The following RNF123 variants were observed in gnomAD, a reference collection of about 807,000 sequenced individuals.
RNF123 encodes the protein ring finger protein 123.
In RNF123, 86 loss-of-function variants were observed where a neutral mutation model predicts 168.5. That is an observed-to-expected ratio of 0.51 (90% CI 0.43 to 0.61). The LOEUF (loss-of-function observed/expected upper bound fraction) is 0.61, where lower values mean the gene tolerates loss of function less well. RNF123 is among the 20% of genes least tolerant of loss of function. The pLI is 0.00. For missense variants in RNF123, 1,419 were observed against 1,729.7 expected (o/e 0.82, Z 3.19); for synonymous variants, 666 against 689.1 (o/e 0.97, Z 0.52).
intron 23 of RNF123, 147 bp downstream of exon 23, chr3:49,705,329 G>A: frequency 1.6e-6 from 2 of 1,219,100 alleles, no homozygotes; most frequent in Non-Finnish European, 2.3e-6. Flanking sequence ...ACACTCCGAG[G>A]GCAGGAGATC....
At position 49,707,036 on chromosome 3, in the gene RNF123, A is replaced by G. The variant is rs555306040; in HGVS notation, c.2496+138A>G. ...TGTCCCTTCCCACACTTCAGACTCC[A>G]TCACCCCATGCCATGTCCCCTGTAC... is the stretch of plus-strand genomic sequence containing the variant. On this transcript the variant is annotated intron_variant, in intron 26 of 38. Transcript: ENST00000327697. 7.9e-5 allele frequency: 54 copies of G among 681,006 alleles called. No homozygotes were observed. In the African/African-American group the frequency reaches 8.0e-4, roughly 10 times the overall value. 42.2% of individuals were successfully genotyped at this position (681,006 alleles called of 1,614,324 possible). A position where few individuals can be genotyped will look rare whatever the true frequency, so the allele number is the denominator to read the frequency against.
rs2080233632 is a variant in RNF123, at chr3:49,715,881, A to G, written c.3210A>G (p.Val1070=). ...RNFVDSRQLK[V]CATCFDLSVS... is the part of the protein sequence containing the mutation. ...TTGTGGACAGCCGGCAGCTCAAGGTATGTGCCACCTGCTTTGACCTCTCGG... is the reference window on the plus strand; with the variant it reads ...TTGTGGACAGCCGGCAGCTCAAGGTGTGTGCCACCTGCTTTGACCTCTCGG... Residue 1070 remains valine (V), a synonymous_variant, in exon 33 of 39, where the codon GTA becomes GTG. Transcript: ENST00000327697. 1.2e-6 allele frequency: 2 copies of G among 1,614,032 alleles called. No individual in the cohort carries two copies. The highest frequency in any genetic ancestry group is 1.7e-6 in the Non-Finnish European group (2 of 1,180,028).
At chr3:49,721,136 A>G (rs772340064) in intron 38 of RNF123, 31 bp downstream of exon 38, 14 of 1,613,844 alleles carry the variant, frequency 8.7e-6, no homozygotes, top group Middle Eastern at 1.6e-4. Context: ...GGTGGTGGGG[A>G]GAGCAGTAGG....
intron 35 of RNF123, chr3:49,719,016 C>A (rs1273517329): frequency 1.9e-6 from 3 of 1,613,756 alleles, no homozygotes; most frequent in Non-Finnish European, 2.5e-6. Flanking sequence ...GGAAGGCATG[C>A]TCGTCCAAGT....
chr3:49,716,205 A>C, intron 34 of RNF123, 28 bp downstream of exon 34: 1 of 1,610,318 alleles, frequency 6.2e-7, no homozygotes, highest in Non-Finnish European at 8.5e-7. Flanking sequence ...CTGCACCCCA[A>C]CACACTACAG....
chr3:49,698,591 T>A, intron 8 of RNF123, 65 bp downstream of exon 8: 2 of 1,583,666 alleles, frequency 1.3e-6, no homozygotes, highest in Middle Eastern at 1.7e-4. Context: ...TTGGAGCCAC[T>A]GGGCAGCCAT....
chr3:49,715,722 G>A lies in RNF123; in HGVS notation c.3150+8G>A, dbSNP rs1305105057. ...ATTGGCATGATCCAAGAGGTGGGCT[G>A]TGGTGGGGCCTCGTGGGTTAGGGTG... is the stretch of plus-strand genomic sequence containing the variant. On this transcript the variant is annotated splice_region_variant and intron_variant, in intron 32 of 38. Transcript: ENST00000327697. 6.2e-7 allele frequency: 1 copy of A among 1,614,256 alleles called. No homozygotes were observed. Among genetic ancestry groups the A allele is most frequent in the East Asian group, 2.2e-5 (1 of 44,882 alleles).
At chr3:49,705,917 G>T (rs1320260319) in intron 24 of RNF123, 65 bp from the exon 25 acceptor site, 1 of 1,551,174 alleles carries the variant, frequency 6.4e-7, no homozygotes, top group African/African-American at 1.4e-5. Flanking sequence ...GTCCAGACTG[G>T]GTCTGAAGAA....
In RNF123 at chr3:49,721,269, G is replaced by A. The variant is rs1439723196; in HGVS notation, c.3909G>A (p.Lys1303=). 6.2e-7 allele frequency: 1 copy of A among 1,614,076 alleles called. No individual in the cohort carries two copies. The highest frequency in any genetic ancestry group is 1.1e-5 in the South Asian group (1 of 91,088). ...TTIVSVEDWE[K]GANTSTTSSA... is the part of the protein sequence containing the mutation. ...TCGTGTCTGTAGAGGACTGGGAGAAGGGAGCCAATACGAGTACTACCTCCT... is the reference window on the plus strand; with the variant it reads ...TCGTGTCTGTAGAGGACTGGGAGAAAGGAGCCAATACGAGTACTACCTCCT... Residue 1303 remains lysine (K), a synonymous_variant, in exon 39 of 39, where the codon AAG becomes AAA. Transcript: ENST00000327697.
At chr3:49,706,525 A>C (rs2054523366) in intron 25 of RNF123, among the ~76,000 whole-genome samples, 1 of 152,206 alleles carries the variant, frequency 6.6e-6, no homozygotes, top group Non-Finnish European at 1.5e-5. Context: ...CGGTTCTGGC[A>C]TCAGGTCCCT....
Position 49,716,182 on chromosome 3 carries a change from G to A in RNF123, c.3415+5G>A, listed in dbSNP as rs747922935. The A allele has an allele frequency of 6.2e-7, 1 of 1,613,338 alleles. No homozygotes were observed. Among genetic ancestry groups the A allele is most frequent in the African/African-American group, 1.3e-5 (1 of 75,042 alleles). The stretch of plus-strand genomic sequence containing the variant: ...TGGTCACCCTACGGCTGCCTGGTGA[G>A]GACCTAGATGCCCTGCACCCCAACA... On this transcript the variant is annotated splice_donor_5th_base_variant and intron_variant, in intron 34 of 38. Transcript: ENST00000327697.
In RNF123 at chr3:49,712,705, T is replaced by C. The variant is rs1299625528; in HGVS notation, c.2674+49T>C. 4 of 1,593,522 alleles carry C rather than the reference T, an allele frequency of 2.5e-6. 1 individual carries two copies. The South Asian group carries it at 3.3e-5, about 13-fold the overall frequency. The stretch of plus-strand genomic sequence containing the variant: ...GCAGAAGCAGAAAAGGGGTCTCTAG[T>C]GTGAGCCCTAGGAGCCCTGGTCTGA... On this transcript the variant is annotated intron_variant, in intron 27 of 38. Transcript: ENST00000327697.
intron 9 of RNF123, 50 bp downstream of exon 9, chr3:49,698,872 A>C (rs746670371): frequency 6.2e-7 from 1 of 1,606,420 alleles, no homozygotes; most frequent in African/African-American, 1.3e-5. Flanking sequence ...GCCTCCCCAG[A>C]CTGCCCCCAG....
intron 13 of RNF123, 27 bp downstream of exon 13, chr3:49,700,379 G>A: frequency 6.2e-7 from 1 of 1,613,494 alleles, no homozygotes; most frequent in African/African-American, 1.3e-5. Flanking sequence ...CAGGCCTCAG[G>A]CCTGGCTGTC....
Position 49,716,385 on chromosome 3 carries a change from C to T in RNF123, c.3416-8C>T, listed in dbSNP as rs570665956. On this transcript the variant is annotated splice_region_variant and splice_polypyrimidine_tract_variant and intron_variant, in intron 34 of 38. Coordinates refer to ENST00000327697, the MANE Select transcript of RNF123 (RefSeq NM_022064.5). ...GGTGGCTCATCTCTTTCCTCCCCTTCCCCTCAGGCCTAGAGAGCGTGGACC... is the reference window on the plus strand; with the variant it reads ...GGTGGCTCATCTCTTTCCTCCCCTTTCCCTCAGGCCTAGAGAGCGTGGACC... The T allele has an allele frequency of 3.1e-6, 5 of 1,612,954 alleles. No homozygotes were observed. The African/African-American group carries it at 4.0e-5, about 13-fold the overall frequency.
rs754537795 is a variant in RNF123 at position 49,717,989 on chromosome 3, C to A, written c.3500+1512C>A. ...GGACCCTCGGAGCCTATGGAGCTGG[C>A]GGACTCAGAGCCAGCCTTCAGCTGC... is the stretch of plus-strand genomic sequence containing the variant. On this transcript the variant is annotated intron_variant, in intron 35 of 38. Coordinates refer to ENST00000327697, the MANE Select transcript of RNF123 (RefSeq NM_022064.5). 1 of 1,613,364 alleles carries A rather than the reference C, an allele frequency of 6.2e-7. No individual in the cohort carries two copies. The highest frequency in any genetic ancestry group is 8.5e-7 in the Non-Finnish European group (1 of 1,180,008).
intron 1 of RNF123, among the ~76,000 whole-genome samples, 192 bp from the exon 2 acceptor site, chr3:49,690,938 G>A (rs1482893371): frequency 6.6e-6 from 1 of 152,218 alleles, no homozygotes; most frequent in Non-Finnish European, 1.5e-5. Flanking sequence ...AGTGGTCCCT[G>A]TTACATGGGC....
rs1440906127 is a variant in RNF123 at position 49,700,254 on chromosome 3, C to T, written c.1012C>T (p.Leu338Phe). 1 of 1,614,190 alleles carries T rather than the reference C, an allele frequency of 6.2e-7. No individual in the cohort carries two copies. Among genetic ancestry groups the T allele is most frequent in the Non-Finnish European group, 8.5e-7 (1 of 1,180,038 alleles). ...LRKVYLVEAV[L>F]MSFLLGIVEK... Reference sequence around the variant, plus strand: ...CAAGGTGTATCTGGTGGAGGCTGTGCTCATGAGCTTCTTGCTGGGCATCGT... The same window carrying T: ...CAAGGTGTATCTGGTGGAGGCTGTGTTCATGAGCTTCTTGCTGGGCATCGT... The change falls in exon 13 of 39, where the codon CTC becomes TTC. Residue 338 changes from leucine (L) to phenylalanine (F), a missense_variant. This residue lies in a region of RNF123 where 318 missense variants were observed against 446.6 expected (regional missense o/e 0.71). Coordinates refer to ENST00000327697, the MANE Select transcript of RNF123 (RefSeq NM_022064.5).
chr3:49,702,499 C>T lies in RNF123; in HGVS notation c.1629+94C>T, dbSNP rs182605664. 2.3e-4 allele frequency: 369 copies of T among 1,600,928 alleles called. No individual in the cohort carries two copies. The African/African-American group carries it at 4.2e-3, about 18-fold the overall frequency. On this transcript the variant is annotated intron_variant, in intron 19 of 38. Transcript: ENST00000327697. ...TGGCACTTCTCGGACTGCCTCATCCCTGCCTAGCCCCAAGCTTTTCTCTGC... is the reference window on the plus strand; with the variant it reads ...TGGCACTTCTCGGACTGCCTCATCCTTGCCTAGCCCCAAGCTTTTCTCTGC...
Sources: allele counts gnomAD v4.1 joint callset (sites outside exome capture counted in the v4.1 genomes callset), GRCh38; gene constraint gnomAD v4.1.1; regional missense constraint gnomAD v4.1.1; transcripts MANE v1.5; gene names NCBI Gene and HGNC (gene_info 2026-07-23, HGNC 2026-07-21).